Variants in ROBO1 observed in about 807,000 individuals in gnomAD.
ROBO1 encodes the protein roundabout guidance receptor 1.
In ROBO1, 149 loss-of-function variants were observed where a neutral mutation model predicts 195.9. The observed-to-expected ratio is 0.76, with a 90% CI of 0.67 to 0.87. The LOEUF (loss-of-function observed/expected upper bound fraction) is 0.87, where lower values mean the gene tolerates loss of function less well. ROBO1 is among the 40% of genes least tolerant of loss of function. The pLI, the probability that ROBO1 is intolerant of heterozygous loss-of-function variation, is 0.00. For missense variants in ROBO1, 1,933 were observed against 2,068.3 expected, an observed-to-expected ratio of 0.93 and a Z score of 1.27; for synonymous variants, 816 against 733.2, an observed-to-expected ratio of 1.11 and a Z score of -1.82.
chr3:79,546,392 A>C (rs921248173), intron 2 of ROBO1, among the ~76,000 whole-genome samples: 1 of 152,158 alleles, frequency 6.6e-6, no homozygotes, highest in Non-Finnish European at 1.5e-5. Context: ...CACGTTGTTC[A>C]AAGGTTAAAT....
intron 1 of ROBO1, among the ~76,000 whole-genome samples, chr3:79,640,362 T>G (rs1321029656): frequency 1.2e-5 from 1 of 82,826 alleles, no homozygotes; most frequent in Non-Finnish European, 2.5e-5. Flanking sequence ...AAACATGCTT[T>G]GCCTTCTGCC....
chr3:79,525,121 A>G (rs1380813265), intron 2 of ROBO1, among the ~76,000 whole-genome samples: 2 of 151,590 alleles, frequency 1.3e-5, no homozygotes, highest in African/African-American at 4.8e-5. Context: ...AATGAAAAAG[A>G]TCCACATTAT....
chr3:78,627,277 G>T, intron 26 of ROBO1, 44 bp downstream of exon 26: 1 of 1,588,160 alleles, frequency 6.3e-7, no homozygotes, highest in Non-Finnish European at 8.6e-7. Flanking sequence ...CTGAGGAGTA[G>T]AAATTATCTG....
At chr3:79,621,581 T>C (rs1420246241) in intron 1 of ROBO1, among the ~76,000 whole-genome samples, 1 of 152,192 alleles carries the variant, frequency 6.6e-6, no homozygotes, top group Non-Finnish European at 1.5e-5. Context: ...AGAAACCTTA[T>C]AAGCCAGAAA....
At chr3:78,599,000 TTTATTA>T in intron 30 of ROBO1, 73 bp from the exon 31 acceptor site, 1 of 826,082 alleles carries the variant, frequency 1.2e-6, no homozygotes. Flanking sequence ...TTTATATGCA[TTTATTA>T]TTATTATAAT....
At chr3:79,420,745 T>A (rs2038190902) in intron 2 of ROBO1, among the ~76,000 whole-genome samples, 1 of 152,116 alleles carries the variant, frequency 6.6e-6, no homozygotes, top group African/African-American at 2.4e-5. Context: ...CAGATGCTGG[T>A]GAGCTTGCAG....
At chr3:79,593,524 A>G (rs1196309160) in intron 1 of ROBO1, among the ~76,000 whole-genome samples, 1 of 151,962 alleles carries the variant, frequency 6.6e-6, no homozygotes, top group Non-Finnish European at 1.5e-5. Context: ...AAACATCTTT[A>G]CTGGCTTATT....
At chr3:79,549,208 C>T (rs557017972) in intron 2 of ROBO1, among the ~76,000 whole-genome samples, 1 of 152,028 alleles carries the variant, frequency 6.6e-6, no homozygotes, top group African/African-American at 2.4e-5. Context: ...TACTGAGTAC[C>T]ATTTATGTTT....
chr3:78,764,739 A>C (rs567336866), intron 4 of ROBO1, among the ~76,000 whole-genome samples: 1 of 152,278 alleles, frequency 6.6e-6, no homozygotes, highest in African/African-American at 2.4e-5. Context: ...CAGTTTTGAA[A>C]ATTTCAAGCT....
chr3:79,441,366 A>G (rs1258906888), intron 2 of ROBO1, among the ~76,000 whole-genome samples: 1 of 152,112 alleles, frequency 6.6e-6, no homozygotes. Flanking sequence ...GATGTATTAC[A>G]TATGCTTGTC....
chr3:79,409,181 T>C (rs1004918478), intron 2 of ROBO1, among the ~76,000 whole-genome samples: 5 of 152,096 alleles, frequency 3.3e-5, no homozygotes, highest in Admixed American at 3.3e-4. Flanking sequence ...AGACCATAAA[T>C]GCAATCTATT....
At chr3:79,160,526 T>C (rs1358168998) in intron 2 of ROBO1, among the ~76,000 whole-genome samples, 3 of 152,020 alleles carry the variant, frequency 2.0e-5, no homozygotes, top group Non-Finnish European at 4.4e-5. Context: ...TTCCGGAACA[T>C]TGTTAGAGCA....
chr3:78,744,820 T>A (rs2082617130), intron 5 of ROBO1, among the ~76,000 whole-genome samples: 1 of 152,230 alleles, frequency 6.6e-6, no homozygotes, highest in Admixed American at 6.5e-5. Flanking sequence ...TTACTAGAGT[T>A]TAACTTACTG....
chr3:79,136,684 A>T (rs1027643634), intron 2 of ROBO1, among the ~76,000 whole-genome samples: 5 of 152,140 alleles, frequency 3.3e-5, no homozygotes, highest in African/African-American at 1.2e-4. Context: ...ATTTGCATCA[A>T]AATTCTATAA....
At chr3:78,983,387 T>A (rs2077039771) in intron 3 of ROBO1, among the ~76,000 whole-genome samples, 1 of 152,234 alleles carries the variant, frequency 6.6e-6, no homozygotes, top group Non-Finnish European at 1.5e-5. Flanking sequence ...AATTACCACA[T>A]GCACCATATT....
chr3:78,869,081 T>A (rs1014518880), intron 4 of ROBO1, among the ~76,000 whole-genome samples: 2 of 152,140 alleles, frequency 1.3e-5, no homozygotes, highest in Non-Finnish European at 2.9e-5. Flanking sequence ...TTGGGACAAA[T>A]AAGCATTATA....
intron 2 of ROBO1, among the ~76,000 whole-genome samples, chr3:79,178,398 A>G (rs1040501120): frequency 1.3e-5 from 2 of 152,222 alleles, no homozygotes; most frequent in Non-Finnish European, 2.9e-5. Context: ...AAACATCCGC[A>G]TAAGGAAATA....
intron 2 of ROBO1, among the ~76,000 whole-genome samples, chr3:79,565,768 G>A (rs1402519298): frequency 6.6e-6 from 1 of 152,070 alleles, no homozygotes; most frequent in Non-Finnish European, 1.5e-5. Flanking sequence ...ACTTTTGAAT[G>A]TAAAGATATT....
intron 3 of ROBO1, among the ~76,000 whole-genome samples, chr3:79,012,757 C>T (rs1372885946): frequency 1.3e-5 from 2 of 152,186 alleles, no homozygotes; most frequent in Non-Finnish European, 1.5e-5. Flanking sequence ...TGACACCTTT[C>T]GGTGTTAGAA....
Sources: allele counts gnomAD v4.1 joint callset (sites outside exome capture counted in the v4.1 genomes callset), GRCh38; gene constraint gnomAD v4.1.1; transcripts MANE v1.5; gene names NCBI Gene and HGNC (gene_info 2026-07-23, HGNC 2026-07-21).